PER2: variants seen among roughly 807,000 people sequenced by gnomAD.
PER2 encodes period circadian regulator 2.
In PER2, 66 loss-of-function variants were observed where a neutral mutation model predicts 121.0. That is an observed-to-expected ratio of 0.55 (90% CI 0.45 to 0.67). PER2 has a LOEUF of 0.67. Ranked by LOEUF, PER2 falls within the 30% of genes least tolerant of loss-of-function variation. PER2 has a pLI of 0.00. For missense variants in PER2, 1,521 were observed against 1,635.0 expected (o/e 0.93, Z 1.20); for synonymous variants, 684 against 659.9 (o/e 1.04, Z -0.56).
upstream of PER2, chr2:238,288,668 G>T (rs1044418356): frequency 6.7e-6 from 1 of 150,040 alleles, no homozygotes; most frequent in African/African-American, 2.4e-5. Context: ...GCGTCAGCCC[G>T]TCCGCCGGTC....
At chr2:238,296,957 G>A in the PER2 span, among the ~76,000 whole-genome samples, 3 of 152,160 alleles carry the variant, frequency 2.0e-5, no homozygotes, top group Non-Finnish European at 4.4e-5. Flanking sequence ...GGCCCTCCTC[G>A]CGGGGGACAT....
At chr2:238,250,476 C>G in intron 21 of PER2, 75 bp downstream of exon 21, 2 of 1,053,952 alleles carry the variant, frequency 1.9e-6, no homozygotes, top group South Asian at 2.7e-5. Flanking sequence ...ATCTGAATGA[C>G]CTTGACCTTG....
chr2:238,272,966 C>T, intron 5 of PER2, 104 bp downstream of exon 5: 2 of 1,055,290 alleles, frequency 1.9e-6, no homozygotes, highest in South Asian at 1.3e-5. Context: ...TGCTGAAACC[C>T]CAAACACTCC....
At chr2:238,265,714 A>C in intron 8 of PER2, 124 bp from the exon 9 acceptor site, 1 of 692,990 alleles carries the variant, frequency 1.4e-6, no homozygotes, top group Non-Finnish European at 2.6e-6. Context: ...AAAAATTAAA[A>C]CATGGACTCT....
the PER2 span, among the ~76,000 whole-genome samples, chr2:238,296,110 T>TGTGACCACGGA: frequency 6.6e-4 from 1 of 1,506 alleles, no homozygotes; most frequent in Non-Finnish European, 1.4e-3. Context: ...TCGTGTGCCC[T>TGTGACCACGGA]CCTGCTGCAG....
chr2:238,285,980 G>C (rs1000951235), intron 1 of PER2, among the ~76,000 whole-genome samples: 3 of 152,120 alleles, frequency 2.0e-5, no homozygotes, highest in Non-Finnish European at 2.9e-5. Flanking sequence ...CCATGGCAAC[G>C]GTTGGGTAAC....
Position 238,271,407 on chromosome 2 carries a change from T to C in PER2, c.677A>G (p.Lys226Arg). The C allele has an allele frequency of 1.2e-6, 2 of 1,614,126 alleles. No individual in the cohort carries two copies. Among genetic ancestry groups the C allele is most frequent in the Non-Finnish European group, 8.5e-7 (1 of 1,179,940 alleles). The change falls in exon 6 of 23, where the codon AAG becomes AGG. Residue 226 changes from lysine to arginine, a missense_variant. Lys to Arg is a conservative substitution (Grantham distance 26). Coordinates refer to ENST00000254657, the MANE Select transcript of PER2 (RefSeq NM_022817.3). ...GTGAGGCGCCAGGAACTCCACAAAC[T>C]TGGCATCGCTGAAGGCATCTCTTTT... ...HCKRDAFSDA[K>R]FVEFLAPHDV...
intron 6 of PER2, among the ~76,000 whole-genome samples, chr2:238,270,660 C>A (rs1696256443): frequency 6.6e-6 from 1 of 152,230 alleles, no homozygotes; most frequent in South Asian, 2.1e-4. Flanking sequence ...GGCAGGCACA[C>A]CCCCAGCTGG....
Position 238,277,723 on chromosome 2 carries a change from G to T in PER2, c.214C>A (p.Pro72Thr). Residue 72 changes from proline to threonine, a missense_variant, in exon 2 of 23, where the codon CCG becomes ACG. Coordinates refer to ENST00000254657, the MANE Select transcript of PER2 (RefSeq NM_022817.3). ...TGAACTCACCTCTGGCGGGCATCCG[G>T]TGGCTCCACCAGCATCCCCAGCTCC... ...GKELGMLVEPPDARQSPDTFS... is the reference protein window; with the variant it reads ...GKELGMLVEPTDARQSPDTFS... 1 of 1,614,134 alleles carries T rather than the reference G, an allele frequency of 6.2e-7. No individual in the cohort carries two copies. Among genetic ancestry groups the T allele is most frequent in the Admixed American group, 1.7e-5 (1 of 60,028 alleles).
At chr2:238,281,754 T>A (rs1447064292) in intron 1 of PER2, among the ~76,000 whole-genome samples, 1 of 152,058 alleles carries the variant, frequency 6.6e-6, no homozygotes, top group Non-Finnish European at 1.5e-5. Context: ...TGGAGAAGAG[T>A]GGCTCTTGTG....
rs894083993 is a variant in PER2, at chr2:238,268,170, G to A, written c.853C>T (p.Arg285Cys). The change falls in exon 8 of 23, where the codon CGC becomes TGC. Residue 285 changes from arginine (R) to cysteine (C), a missense_variant. Physicochemically the swap from Arg to Cys is radical, Grantham distance 180 (BLOSUM62 -3). Transcript: ENST00000254657. This position sits in a 1 kb window ranked among gnomAD's most constrained non-coding sequence, Gnocchi z 4.0. ...SVRKSHENEI[R>C]YHPFRMTPYL... ...GGCGTCATGCGGAAGGGGTGGTAGC[G>A]GATTTCATTCTCGTGGCTTTTCCGG... The A allele has an allele frequency of 6.8e-6, 11 of 1,613,952 alleles. No homozygotes were observed. The highest frequency in any genetic ancestry group is 4.0e-5 in the African/African-American group (3 of 74,924).
At chr2:238,272,718 G>A (rs530673772) in intron 5 of PER2, among the ~76,000 whole-genome samples, 11 of 152,178 alleles carry the variant, frequency 7.2e-5, no homozygotes, top group Non-Finnish European at 1.3e-4. Context: ...CCTCATGACC[G>A]CAAAGCCCTG....
In PER2 at chr2:238,246,007, C is replaced by T. The variant is rs1219098402; in HGVS notation, c.*368G>A. On this transcript the variant is annotated 3_prime_UTR_variant, in exon 23 of 23. Transcript: ENST00000254657. ...TGGGAAAGCTCTGGAAGCCAGAGTC[C>T]CCAGCTGGTGCAGCAGACAGAGGTC... 1 of 227,124 alleles carries T rather than the reference C, an allele frequency of 4.4e-6. No homozygotes were observed. Among genetic ancestry groups the T allele is most frequent in the Non-Finnish European group, 8.4e-6 (1 of 118,564 alleles). The allele number at this position is 227,124 out of a possible 1,614,324, so 14.1% of individuals were successfully genotyped here.
At chr2:238,251,834 T>C (rs878984747) in intron 19 of PER2, 73 bp from the exon 20 acceptor site, 5 of 99,478 alleles carry the variant, frequency 5.0e-5, no homozygotes, top group Middle Eastern at 2.0e-3. Flanking sequence ...GGGGTGGGGG[T>C]GGGGGGCATG....
rs986359036 is a variant in PER2, at chr2:238,268,597, G to A, written c.824+326C>T. On this transcript the variant is annotated intron_variant, in intron 7 of 22. Coordinates refer to ENST00000254657, the MANE Select transcript of PER2 (RefSeq NM_022817.3). The surrounding 1 kb of genome is among the most constrained non-coding windows in gnomAD (Gnocchi z 4.0). ...CCAAGACCCTTGTCGGGAAAGCTACGGGTCTCTCCCCAGAAAAACGCACAG... is the reference window on the plus strand; with the variant it reads ...CCAAGACCCTTGTCGGGAAAGCTACAGGTCTCTCCCCAGAAAAACGCACAG... 1.6e-4 allele frequency among the ~76,000 whole-genome samples: 24 copies of A among 152,170 alleles called. No individual in the cohort carries two copies. The highest frequency in any genetic ancestry group is 4.1e-4 in the African/African-American group (17 of 41,432).
chr2:238,253,678 G>C lies in PER2; in HGVS notation c.2345C>G (p.Ser782Cys), dbSNP rs1410393566. The C allele has an allele frequency of 1.2e-6, 2 of 1,607,538 alleles. No individual in the cohort carries two copies. The highest frequency in any genetic ancestry group is 1.7e-5 in the Admixed American group (1 of 59,682). Residue 782 changes from serine (S) to cysteine (C), a missense_variant, in exon 19 of 23, where the codon TCC becomes TGC. Transcript: ENST00000254657. This position sits in a 1 kb window ranked among gnomAD's most constrained non-coding sequence, Gnocchi z 5.6. ...TTTTTTCCAAGGTGAATCTATTCCG[G>C]AAGTATTTCTTAGTCCAGGGGCAGC... ...ERTAPGLRNTSGIDSPWKKTG... is the reference protein window; with the variant it reads ...ERTAPGLRNTCGIDSPWKKTG...
upstream of PER2, among the ~76,000 whole-genome samples, chr2:238,294,933 TCA>T (rs1697018455): frequency 6.6e-6 from 1 of 152,240 alleles, no homozygotes; most frequent in Non-Finnish European, 1.5e-5. Flanking sequence ...CCACAAGGAC[TCA>T]CAGGTGGGGA....
At chr2:238,255,164 C>G (rs770975954) in intron 18 of PER2, 1 of 224,824 alleles carries the variant, frequency 4.4e-6, no homozygotes, top group Non-Finnish European at 8.9e-6. Flanking sequence ...CACACCATGA[C>G]CATGGACTCT....
chr2:238,257,948 G>A (rs1559326017), intron 16 of PER2, among the ~76,000 whole-genome samples: 1 of 152,260 alleles, frequency 6.6e-6, no homozygotes, highest in Non-Finnish European at 1.5e-5. Context: ...CAGTGTGGCT[G>A]CATGAGGGGG....
Sources: gnomAD v4.1 joint callset for allele counts (sites outside exome capture counted in the v4.1 genomes callset) on GRCh38, gnomAD v4.1.1 for gene constraint, Gnocchi (gnomAD v3.1) non-coding constraint, MANE v1.5 for transcripts, NCBI Gene and HGNC (gene_info 2026-07-23, HGNC 2026-07-21) for gene names.